The following FAM153A variants were observed in gnomAD, a reference collection of about 807,000 sequenced individuals.
The protein encoded by FAM153A is protein FAM153A.
FAM153A carries 12 observed loss-of-function variants against 48.1 expected under a neutral mutation model. The observed-to-expected ratio is 0.25, with a 90% CI of 0.16 to 0.40. The LOEUF (loss-of-function observed/expected upper bound fraction) is 0.40, where lower values mean the gene tolerates loss of function less well. FAM153A is among the 10% of genes least tolerant of loss of function. The pLI, the probability that FAM153A is intolerant of heterozygous loss-of-function variation, is 1.00. For synonymous variants in FAM153A, 36 were observed against 118.2 expected (o/e 0.30, Z 4.51); for missense variants, 111 against 345.8 (o/e 0.32, Z 5.38).
At chr5:177,781,440 C>T (rs1224519685), upstream of FAM153A, 4 of 74,580 alleles carry the variant, frequency 5.4e-5, 1 homozygote, top group African/African-American at 2.0e-4. Context: ...TTACAAATGT[C>T]ATTACAATAG....
At chr5:177,722,896 G>A (rs2047817832), downstream of FAM153A, 1 of 148,842 alleles carries the variant, frequency 6.7e-6, no homozygotes, top group Non-Finnish European at 1.5e-5. Context: ...AAGCATACCA[G>A]GATCAACAGG....
chr5:177,728,465 T>C (rs1310997194), intron 18 of FAM153A, among the ~76,000 whole-genome samples: 2 of 148,532 alleles, frequency 1.3e-5, no homozygotes, highest in Admixed American at 6.7e-5. Flanking sequence ...CTCCCAACTC[T>C]GATGTACTAC....
upstream of FAM153A, among the ~76,000 whole-genome samples, chr5:177,753,559 C>T (rs371909426): frequency 9.3e-5 from 14 of 151,016 alleles, no homozygotes; most frequent in African/African-American, 3.4e-4. Flanking sequence ...AAAGCTAATA[C>T]ATTGAGAATA....
chr5:177,726,445 TC>T (rs1361647703), intron 18 of FAM153A, among the ~76,000 whole-genome samples: 2 of 151,862 alleles, frequency 1.3e-5, no homozygotes, highest in Admixed American at 6.6e-5. Flanking sequence ...CTTAGGACTT[TC>T]TCATTAAGAT....
downstream of FAM153A, among the ~76,000 whole-genome samples, chr5:177,705,783 C>T (rs1354089080): frequency 1.3e-5 from 2 of 149,664 alleles, no homozygotes; most frequent in Non-Finnish European, 3.0e-5. Flanking sequence ...CCTCAGCCTC[C>T]CCAGTAGGTG....
At chr5:177,737,571 A>T (rs1764870897) in intron 10 of FAM153A, among the ~76,000 whole-genome samples, 1 of 151,202 alleles carries the variant, frequency 6.6e-6, no homozygotes, top group South Asian at 2.1e-4. Context: ...CCCCAGCTGG[A>T]GTATAATTGT....
the FAM153A span, among the ~76,000 whole-genome samples, chr5:177,696,243 G>A: frequency 1.5e-4 from 18 of 117,394 alleles, 1 homozygote; most frequent in Middle Eastern, 8.8e-3. Context: ...GGGCAGAGGC[G>A]CTCCTCACTT....
At chr5:177,734,787 A>T in intron 13 of FAM153A, 76 bp downstream of exon 15, 1 of 1,610,268 alleles carries the variant, frequency 6.2e-7, no homozygotes, top group African/African-American at 1.4e-5. Flanking sequence ...TCAGATTCTC[A>T]TATCTTAATT....
downstream of FAM153A, among the ~76,000 whole-genome samples, chr5:177,719,029 C>T (rs951485590): frequency 6.6e-6 from 1 of 151,506 alleles, no homozygotes; most frequent in African/African-American, 2.4e-5. Flanking sequence ...TACACGCGTG[C>T]ACCACCTTGC....
At chr5:177,697,341 G>A in the FAM153A span, among the ~76,000 whole-genome samples, 1 of 152,006 alleles carries the variant, frequency 6.6e-6, no homozygotes, top group South Asian at 2.1e-4. Context: ...CCTACTGTTT[G>A]TTTAGCTGGG....
At chr5:177,758,839 A>G (rs896658335) in intron 1 of FAM153A, among the ~76,000 whole-genome samples, 2 of 138,484 alleles carry the variant, frequency 1.4e-5, no homozygotes, top group Non-Finnish European at 3.3e-5. Flanking sequence ...GATGGATTAA[A>G]GACTTAAATG....
rs550839721 is a variant in FAM153A at position 177,739,142 on chromosome 5, G to A, written c.538-5C>T. The stretch of plus-strand genomic sequence containing the variant: ...GGTTTGGGTGCCTGCGTCTGCCTGC[G>A]TTTAGAGAAAGAAAAACACCATGAG... On this transcript the variant is annotated splice_polypyrimidine_tract_variant and splice_region_variant and intron_variant, in intron 9 of 20. Coordinates refer to ENST00000614127, the Ensembl canonical transcript of FAM153A. The A allele has an allele frequency of 1.7e-5, 28 of 1,612,550 alleles. No individual in the cohort carries two copies. The highest frequency in any genetic ancestry group is 2.1e-5 in the Non-Finnish European group (25 of 1,179,940).
intron 1 of FAM153A, among the ~76,000 whole-genome samples, chr5:177,759,987 A>G (rs1393278399): frequency 6.7e-6 from 1 of 148,814 alleles, no homozygotes; most frequent in Middle Eastern, 3.2e-3. Flanking sequence ...AAAACAAAAA[A>G]AACTGCATTA....
chr5:177,753,183 G>C, exon 1 of FAM153A: 2 of 1,611,632 alleles, frequency 1.2e-6, no homozygotes, highest in Non-Finnish European at 1.7e-6. Flanking sequence ...TACCTTCAAG[G>C]CAACAACTAT....
intron 1 of FAM153A, among the ~76,000 whole-genome samples, chr5:177,758,555 A>T (rs2127708615): frequency 7.4e-6 from 1 of 135,214 alleles, no homozygotes; most frequent in Middle Eastern, 3.9e-3. Context: ...TGGAGGCATC[A>T]TGCTACCTGA....
chr5:177,724,107 A>C, exon 21 of FAM153A: 2 of 1,611,204 alleles, frequency 1.2e-6, no homozygotes. Context: ...TTGCCTTCAG[A>C]GGTCTCTAAA....
At chr5:177,708,229 C>T (rs1582105104), downstream of FAM153A, 1 of 150,630 alleles carries the variant, frequency 6.6e-6, no homozygotes, top group African/African-American at 2.5e-5. Context: ...ATTGACATCA[C>T]TGGTTTCAGG....
intron 18 of FAM153A, among the ~76,000 whole-genome samples, chr5:177,727,850 G>C (rs1440721584): frequency 2.9e-5 from 2 of 69,346 alleles, no homozygotes; most frequent in African/African-American, 6.6e-5. Context: ...AAATACAATA[G>C]AATATGCCAC....
chr5:177,760,070 A>G (rs1582507715), intron 1 of FAM153A, among the ~76,000 whole-genome samples: 2 of 150,178 alleles, frequency 1.3e-5, no homozygotes. Flanking sequence ...GAAGGAACAC[A>G]TATTACCTGT....
Sources: gnomAD v4.1 joint callset for allele counts (sites outside exome capture counted in the v4.1 genomes callset) on GRCh38, gnomAD v4.1.1 for gene constraint, MANE v1.5 for transcripts, NCBI Gene and HGNC (gene_info 2026-07-23, HGNC 2026-07-21) for gene names.